Variants in NR3C2 observed in about 807,000 individuals in gnomAD.
NR3C2 encodes nuclear receptor subfamily 3 group C member 2, also known as mineralocorticoid receptor.
A neutral mutation model predicts 86.4 loss-of-function variants in NR3C2; 15 were observed. The ratio of observed to expected loss-of-function variants is 0.17; its 90% CI spans 0.12 to 0.27. The LOEUF (loss-of-function observed/expected upper bound fraction) is 0.27. Among genes scored for constraint, NR3C2 ranks in the 10% least tolerant of loss-of-function variants. NR3C2 has a pLI of 1.00. For missense variants in NR3C2, 960 were observed against 1,195.6 expected (o/e 0.80, Z 2.91); for synonymous variants, 458 against 450.5 (o/e 1.02, Z -0.21).
At chr4:148,362,756 C>A (rs1322955954) in intron 2 of NR3C2, among the ~76,000 whole-genome samples, 1 of 152,090 alleles carries the variant, frequency 6.6e-6, no homozygotes, top group Non-Finnish European at 1.5e-5. Context: ...GTAATAACTG[C>A]TGTGGAGTAT....
At position 148,391,693 on chromosome 4, in the gene NR3C2, C is replaced by G. The variant is rs61764787; in HGVS notation, c.1757+43411G>C. ...ACCAGCCTGGCCAACATGGTGAAAC[C>G]CTCTCTCTACTAAAAATACAAAAAT... On this transcript the variant is annotated intron_variant, in intron 2 of 8. Coordinates refer to ENST00000358102, the MANE Select transcript of NR3C2 (RefSeq NM_000901.5). 8.2e-4 allele frequency among the ~76,000 whole-genome samples: 124 copies of G among 151,914 alleles called. No individual in the cohort carries two copies. The Middle Eastern group carries it at 0.01, about 13-fold the overall frequency.
chr4:148,234,919 G>A (rs1012384410), intron 3 of NR3C2, among the ~76,000 whole-genome samples: 11 of 152,014 alleles, frequency 7.2e-5, no homozygotes, highest in East Asian at 3.8e-4. Flanking sequence ...TGGGTGATGC[G>A]TTTAAAACTT....
chr4:148,421,976 C>T (rs1366663470), intron 2 of NR3C2, among the ~76,000 whole-genome samples: 1 of 152,102 alleles, frequency 6.6e-6, no homozygotes, highest in East Asian at 1.9e-4. Context: ...TGCTAATAGA[C>T]ATCCAGTGGC....
At chr4:148,146,192 CCCAA>C (rs536507230) in intron 6 of NR3C2, among the ~76,000 whole-genome samples, 1 of 152,126 alleles carries the variant, frequency 6.6e-6, no homozygotes, top group South Asian at 2.1e-4. Flanking sequence ...ATTCCTGTCC[CCCAA>C]CCATCGCTGG....
At chr4:148,337,978 G>C (rs1419530400) in intron 2 of NR3C2, among the ~76,000 whole-genome samples, 3 of 152,130 alleles carry the variant, frequency 2.0e-5, no homozygotes, top group Admixed American at 2.0e-4. Flanking sequence ...CTAGTTTTGT[G>C]ATCCAGTGTA....
intron 6 of NR3C2, among the ~76,000 whole-genome samples, chr4:148,126,374 G>A (rs541448546): frequency 2.6e-5 from 4 of 152,152 alleles, no homozygotes; most frequent in Non-Finnish European, 5.9e-5. Context: ...TGATCATTTG[G>A]TTGAAACAAA....
intron 6 of NR3C2, among the ~76,000 whole-genome samples, chr4:148,126,657 C>T (rs934974259): frequency 2.0e-5 from 3 of 152,260 alleles, no homozygotes; most frequent in Non-Finnish European, 2.9e-5. Context: ...CAGATTAGAA[C>T]GTTAATGTGT....
At chr4:148,361,317 T>C (rs1412435433) in intron 2 of NR3C2, among the ~76,000 whole-genome samples, 1 of 152,228 alleles carries the variant, frequency 6.6e-6, no homozygotes, top group Non-Finnish European at 1.5e-5. Flanking sequence ...TTAATCACTT[T>C]GAATAAAAAT....
intron 2 of NR3C2, among the ~76,000 whole-genome samples, chr4:148,303,492 C>T (rs1345560529): frequency 5.3e-5 from 8 of 152,164 alleles, no homozygotes; most frequent in Admixed American, 1.3e-4. Flanking sequence ...CCAAGCATAA[C>T]TACAGCCACC....
intron 6 of NR3C2, among the ~76,000 whole-genome samples, chr4:148,133,674 G>A (rs1053718428): frequency 3.3e-5 from 5 of 152,152 alleles, no homozygotes; most frequent in African/African-American, 4.8e-5. Context: ...AGCAAAAGTC[G>A]CATTACTCCA....
intron 2 of NR3C2, among the ~76,000 whole-genome samples, chr4:148,397,797 T>C (rs1392819894): frequency 6.6e-6 from 1 of 152,174 alleles, no homozygotes; most frequent in Middle Eastern, 3.2e-3. Flanking sequence ...TGGTTTTCAA[T>C]AAACCTAAAA....
At chr4:148,352,648 A>C (rs1176940179) in intron 2 of NR3C2, among the ~76,000 whole-genome samples, 1 of 152,196 alleles carries the variant, frequency 6.6e-6, no homozygotes, top group Non-Finnish European at 1.5e-5. Flanking sequence ...TCCTAAAATC[A>C]ATCATCTTCA....
Position 148,436,347 on chromosome 4 carries a change from C to T in NR3C2, c.514G>A (p.Val172Met). ...ACGGCGCGCATGACGCCACCATTCA[C>T]GGAGCTCCCAGAGTCAGACATAAAT... ...RSFMSDSGSSVNGGVMRAVVK... is the reference protein window; with the variant it reads ...RSFMSDSGSSMNGGVMRAVVK... Residue 172 changes from valine (V) to methionine (M), a missense_variant, in exon 2 of 9, where the codon GTG becomes ATG. Physicochemically the swap from Val to Met is conservative, Grantham distance 21. Around this residue, in one of 4 missense-constraint regions of NR3C2, gnomAD observed 680 missense variants for 719.0 expected, o/e 0.95. Coordinates refer to ENST00000358102, the MANE Select transcript of NR3C2 (RefSeq NM_000901.5). The T allele has an allele frequency of 1.2e-6, 2 of 1,614,202 alleles. No homozygotes were observed. Among genetic ancestry groups the T allele is most frequent in the Non-Finnish European group, 1.7e-6 (2 of 1,180,034 alleles).
At chr4:148,293,338 A>T (rs527238730) in intron 2 of NR3C2, among the ~76,000 whole-genome samples, 1 of 152,314 alleles carries the variant, frequency 6.6e-6, no homozygotes, top group East Asian at 1.9e-4. Flanking sequence ...CTCAGACTAA[A>T]CTCAGCACCA....
intron 2 of NR3C2, among the ~76,000 whole-genome samples, chr4:148,310,143 T>C (rs141839779): frequency 2.2e-4 from 33 of 152,354 alleles, no homozygotes; most frequent in African/African-American, 7.9e-4. Flanking sequence ...CCTCCTAAAC[T>C]ACTTACATAG....
intron 4 of NR3C2, among the ~76,000 whole-genome samples, chr4:148,180,682 T>A (rs1005058784): frequency 6.6e-6 from 1 of 152,234 alleles, no homozygotes. Context: ...AGTGTGGTCG[T>A]AATCACAGAG....
At chr4:148,357,939 A>T (rs1579201054) in intron 2 of NR3C2, among the ~76,000 whole-genome samples, 1 of 152,202 alleles carries the variant, frequency 6.6e-6, no homozygotes, top group East Asian at 1.9e-4. Context: ...AATATCTTTA[A>T]ATTGTGAAAA....
chr4:148,298,377 C>T (rs1358390353), intron 2 of NR3C2, among the ~76,000 whole-genome samples: 6 of 152,108 alleles, frequency 3.9e-5, no homozygotes, highest in African/African-American at 4.8e-5. Flanking sequence ...TGATGGCTGC[C>T]GGAAGAAGGC....
intron 2 of NR3C2, among the ~76,000 whole-genome samples, chr4:148,427,130 T>A (rs983484635): frequency 6.6e-6 from 1 of 151,972 alleles, no homozygotes; most frequent in Non-Finnish European, 1.5e-5. Context: ...AATTTTTGTA[T>A]TTTTAGTAGA....
Sources: gnomAD v4.1 joint callset for allele counts (sites outside exome capture counted in the v4.1 genomes callset) on GRCh38, gnomAD v4.1.1 for gene constraint, gnomAD v4.1.1 regional missense constraint, MANE v1.5 for transcripts, NCBI Gene and HGNC (gene_info 2026-07-23, HGNC 2026-07-21) for gene names.